Variants in RASGRF1 observed in about 807,000 individuals in gnomAD.
The protein encoded by RASGRF1 is Ras protein specific guanine nucleotide releasing factor 1, also known as ras-specific guanine nucleotide-releasing factor 1.
RASGRF1 carries 40 observed loss-of-function variants against 138.7 expected under a neutral mutation model. The ratio of observed to expected loss-of-function variants is 0.29; its 90% CI spans 0.22 to 0.38. RASGRF1 has a LOEUF of 0.38. RASGRF1 is among the 10% of genes least tolerant of loss of function. RASGRF1 has a pLI of 1.00. For synonymous variants in RASGRF1, 614 were observed against 663.2 expected, an observed-to-expected ratio of 0.93 and a Z score of 1.14; for missense variants, 1,108 against 1,650.4, an observed-to-expected ratio of 0.67 and a Z score of 5.69.
chr15:79,050,116 A>C lies in RASGRF1; in HGVS notation c.532-528T>G, dbSNP rs2057410414. ...TTACCTCCAGAACTCTTCATTTTGT[A>C]AAACTGAAACTCTGTACTCATCAAA... On this transcript the variant is annotated intron_variant, in intron 3 of 26. Coordinates refer to ENST00000558480, the MANE Select transcript of RASGRF1 (RefSeq NM_001145648.3). The surrounding 1 kb of genome is among the most constrained non-coding windows in gnomAD (Gnocchi z 4.1). Among the ~76,000 whole-genome samples, 1 of 152,206 alleles carries C rather than the reference A, an allele frequency of 6.6e-6. No individual in the cohort carries two copies. Among genetic ancestry groups the C allele is most frequent in the South Asian group, 2.1e-4 (1 of 4,822 alleles).
In RASGRF1 at chr15:79,014,455, C is replaced by T. The variant is rs531062848; in HGVS notation, c.1826+872G>A. ...GCATTCACAGAAACCTGGATAGGAC[C>T]GGAGACTATTATTCTAAGTGAAATA... On this transcript the variant is annotated intron_variant, in intron 13 of 26. Transcript: ENST00000558480. 4.6e-5 allele frequency among the ~76,000 whole-genome samples: 7 copies of T among 152,246 alleles called. No homozygotes were observed. In the East Asian group the frequency reaches 5.8e-4, roughly 13 times the overall value.
At chr15:79,045,815 G>A (rs1301192465) in intron 5 of RASGRF1, among the ~76,000 whole-genome samples, 7 of 152,224 alleles carry the variant, frequency 4.6e-5, no homozygotes, top group Non-Finnish European at 2.9e-5. Context: ...GTGGCCCTGG[G>A]TCCCAAATAT....
At chr15:78,981,899 T>C (rs2056041385) in intron 23 of RASGRF1, among the ~76,000 whole-genome samples, 1 of 152,188 alleles carries the variant, frequency 6.6e-6, no homozygotes, top group African/African-American at 2.4e-5. Flanking sequence ...CTGGCCCACC[T>C]CCGTTCCAGA....
intron 16 of RASGRF1, among the ~76,000 whole-genome samples, chr15:79,000,146 C>A (rs1019602101): frequency 6.6e-6 from 1 of 152,182 alleles, no homozygotes; most frequent in Non-Finnish European, 1.5e-5. Context: ...GGGGAGCACA[C>A]TCCTGCTTCT....
In RASGRF1 at chr15:78,971,913, T is replaced by C; in HGVS notation, c.3634A>G (p.Ile1212Val). 4 of 1,588,228 alleles carry C rather than the reference T, an allele frequency of 2.5e-6. No homozygotes were observed. The highest frequency in any genetic ancestry group is 1.1e-5 in the South Asian group (1 of 90,484). ...MRMISHIIRE[I>V]RQFQQTAYKI... ...TAGGCAGTTTGTTGAAACTGGCGAA[T>C]CTCTCGGATAATATGGGATATCTGT... Residue 1212 changes from isoleucine (I) to valine (V), a missense_variant, in exon 26 of 27, where the codon ATT becomes GTT. Physicochemically the swap from Ile to Val is conservative, Grantham distance 29. Coordinates refer to ENST00000558480, the MANE Select transcript of RASGRF1 (RefSeq NM_001145648.3).
At position 78,999,859 on chromosome 15, in the gene RASGRF1, A is replaced by G. The variant is rs763544138; in HGVS notation, c.2630T>C (p.Leu877Pro). Residue 877 changes from leucine to proline, a missense_variant, in exon 17 of 27, where the codon CTG (leucine) becomes CCG (proline). Around this residue, in one of 3 missense-constraint regions of RASGRF1, gnomAD observed 686 missense variants for 976.7 expected, o/e 0.70. Transcript: ENST00000558480. Reference protein sequence around the residue: ...NGVVMTSCRELDNNRSALSAA... With the variant: ...NGVVMTSCREPDNNRSALSAA... ...CGACAAGGCACTGCGGTTATTGTCC[A>G]GTTCACGACAGGAGGTCATGACGAC... 8 of 1,614,196 alleles carry G rather than the reference A, an allele frequency of 5.0e-6. No individual in the cohort carries two copies. The East Asian group carries it at 8.9e-5, about 18-fold the overall frequency.
At chr15:79,079,186 G>A (rs2057880151) in intron 1 of RASGRF1, among the ~76,000 whole-genome samples, 1 of 152,220 alleles carries the variant, frequency 6.6e-6, no homozygotes, top group African/African-American at 2.4e-5. Context: ...ACGGGTCCTG[G>A]TGGCTGTTAC....
chr15:79,001,924 T>A, intron 15 of RASGRF1, 137 bp from the exon 16 acceptor site: 2 of 539,814 alleles, frequency 3.7e-6, no homozygotes, highest in Non-Finnish European at 5.5e-6. Flanking sequence ...GAAGAAAGTT[T>A]AACAGCTTTG....
At chr15:79,070,197 C>T (rs1257436295) in intron 1 of RASGRF1, among the ~76,000 whole-genome samples, 1 of 152,216 alleles carries the variant, frequency 6.6e-6, no homozygotes, top group Non-Finnish European at 1.5e-5. Context: ...TCCCGTTGAT[C>T]TTCTGGGACT....
At chr15:79,084,539 G>A (rs2057954421) in intron 1 of RASGRF1, among the ~76,000 whole-genome samples, 2 of 152,238 alleles carry the variant, frequency 1.3e-5, no homozygotes, top group South Asian at 4.1e-4. Flanking sequence ...CTGGACAACA[G>A]GGCCGCCACC....
At chr15:79,042,728 T>C (rs1483972801) in intron 5 of RASGRF1, among the ~76,000 whole-genome samples, 1 of 152,162 alleles carries the variant, frequency 6.6e-6, no homozygotes, top group East Asian at 1.9e-4. Flanking sequence ...TCCAGCCTCA[T>C]GGGTGCCTCT....
At chr15:79,071,165 G>T (rs534875374) in intron 1 of RASGRF1, among the ~76,000 whole-genome samples, 254 of 152,282 alleles carry the variant, frequency 1.7e-3, no homozygotes, top group African/African-American at 5.9e-3. Flanking sequence ...GCGGGTCTCA[G>T]GACCCACTGC....
chr15:79,090,216 G>GC lies in RASGRF1; in HGVS notation c.276+6dup. The GC allele has an allele frequency of 6.3e-7, 1 of 1,596,326 alleles. No individual in the cohort carries two copies. The highest frequency in any genetic ancestry group is 8.5e-7 in the Non-Finnish European group (1 of 1,174,274). ...GCAGGGAGGTCAGGACGCGACGCTC[G>GC]CCTCACCTGTTTCTCCAGCGGCTCC... is the stretch of plus-strand genomic sequence containing the variant. On this transcript the variant is annotated splice_region_variant and intron_variant, in intron 1 of 26. Transcript: ENST00000558480.
intron 2 of RASGRF1, among the ~76,000 whole-genome samples, chr15:79,061,115 C>A (rs925121847): frequency 2.0e-5 from 3 of 152,144 alleles, no homozygotes; most frequent in African/African-American, 7.2e-5. Flanking sequence ...CTGCCCCCTC[C>A]TCCCCTTCTT....
At chr15:79,049,661 G>T in intron 3 of RASGRF1, 73 bp from the exon 4 acceptor site, 1 of 1,336,678 alleles carries the variant, frequency 7.5e-7, no homozygotes, top group Non-Finnish European at 1.0e-6. Context: ...GCCGGTGGGT[G>T]GCAGGAACAG....
chr15:79,015,350 C>T lies in RASGRF1; in HGVS notation c.1803G>A (p.Lys601=). The change falls in exon 13 of 27, where the codon AAG becomes AAA. Residue 601 remains lysine, a synonymous_variant. Transcript: ENST00000558480. The part of the protein sequence containing the change: ...LMMNAFEENS[K]VTVPQMIKSD... ...ACTTGATCATCTGCGGCACAGTGAC[C>T]TTGGAATTTTCTTCAAATGCGTTCA... is the stretch of plus-strand genomic sequence containing the variant. 1 of 1,613,902 alleles carries T rather than the reference C, an allele frequency of 6.2e-7. No individual in the cohort carries two copies. Among genetic ancestry groups the T allele is most frequent in the Non-Finnish European group, 8.5e-7 (1 of 1,179,798 alleles).
chr15:79,018,226 C>A (rs1319743962), intron 11 of RASGRF1, among the ~76,000 whole-genome samples: 5 of 152,220 alleles, frequency 3.3e-5, no homozygotes, highest in African/African-American at 1.2e-4. Context: ...GCCCAAGGCT[C>A]CCAGCAGGGT....
intron 5 of RASGRF1, among the ~76,000 whole-genome samples, chr15:79,042,268 C>G (rs186474504): frequency 1.3e-5 from 2 of 152,302 alleles, no homozygotes; most frequent in African/African-American, 4.8e-5. Flanking sequence ...AAATTAGCAC[C>G]AGGTTTCTAA....
intron 18 of RASGRF1, among the ~76,000 whole-genome samples, chr15:78,998,439 C>T (rs2056443287): frequency 6.6e-6 from 1 of 152,248 alleles, no homozygotes; most frequent in Non-Finnish European, 1.5e-5. Flanking sequence ...CAGCTGGCTG[C>T]ACCCCTGGGC....
Sources: gnomAD v4.1 joint callset for allele counts (sites outside exome capture counted in the v4.1 genomes callset) on GRCh38, gnomAD v4.1.1 for gene constraint, gnomAD v4.1.1 regional missense constraint, Gnocchi (gnomAD v3.1) non-coding constraint, MANE v1.5 for transcripts, NCBI Gene and HGNC (gene_info 2026-07-23, HGNC 2026-07-21) for gene names.